AGAP1: variants seen among roughly 807,000 people sequenced by gnomAD.
AGAP1 encodes arf-GAP with GTPase, ANK repeat and PH domain-containing protein 1.
A neutral mutation model predicts 105.3 loss-of-function variants in AGAP1; 29 were observed. The ratio of observed to expected loss-of-function variants is 0.28; its 90% CI spans 0.21 to 0.38. The LOEUF (loss-of-function observed/expected upper bound fraction) is 0.38. Among genes scored for constraint, AGAP1 ranks in the 10% least tolerant of loss-of-function variants. The pLI, the probability that AGAP1 is intolerant of heterozygous loss-of-function variation, is 1.00. For missense variants in AGAP1, 998 were observed against 1,165.1 expected, an observed-to-expected ratio of 0.86 and a Z score of 2.09; for synonymous variants, 509 against 485.9, an observed-to-expected ratio of 1.05 and a Z score of -0.63.
intron 17 of AGAP1, among the ~76,000 whole-genome samples, chr2:236,122,951 G>T (rs1416387464): frequency 4.6e-5 from 7 of 152,134 alleles, no homozygotes; most frequent in African/African-American, 1.4e-4. Context: ...CCAAAGTGCT[G>T]GGATTCCAGG....
At chr2:235,495,395 C>G (rs1240581312) in intron 1 of AGAP1, among the ~76,000 whole-genome samples, 2 of 152,248 alleles carry the variant, frequency 1.3e-5, no homozygotes, top group South Asian at 2.1e-4. Flanking sequence ...GCGGGAGCAT[C>G]GTGTCCAGGT....
intron 11 of AGAP1, among the ~76,000 whole-genome samples, chr2:235,929,531 C>A (rs962752940): frequency 6.6e-5 from 10 of 152,066 alleles, no homozygotes; most frequent in African/African-American, 2.2e-4. Flanking sequence ...GAACTCTATT[C>A]TTCAAAGCCA....
chr2:236,032,961 A>G (rs754216486), intron 13 of AGAP1, among the ~76,000 whole-genome samples: 9 of 152,184 alleles, frequency 5.9e-5, no homozygotes, highest in African/African-American at 1.4e-4. Flanking sequence ...AAAGTGAGTG[A>G]TCGGCCAGGT....
At chr2:235,683,278 C>T (rs1253735872) in intron 1 of AGAP1, among the ~76,000 whole-genome samples, 1 of 152,074 alleles carries the variant, frequency 6.6e-6, no homozygotes, top group East Asian at 1.9e-4. Flanking sequence ...TGCACTCCAG[C>T]CTGGGCAACA....
Position 235,977,620 on chromosome 2 carries a change from C to T in AGAP1, c.1645+8997C>T, listed in dbSNP as rs973743375. Reference sequence around the variant, plus strand: ...CTGGGCTTCAGGAAGTAGAGATGCCCGGGGGTTATATTTTCAGATGTTCTA... The same window carrying T: ...CTGGGCTTCAGGAAGTAGAGATGCCTGGGGGTTATATTTTCAGATGTTCTA... On this transcript the variant is annotated intron_variant, in intron 13 of 17. Transcript: ENST00000304032. The surrounding 1 kb of genome is among the most constrained non-coding windows in gnomAD (Gnocchi z 5.2). Among the ~76,000 whole-genome samples, 9 of 152,018 alleles carry T rather than the reference C, an allele frequency of 5.9e-5. No homozygotes were observed. Among genetic ancestry groups the T allele is most frequent in the African/African-American group, 9.7e-5 (4 of 41,370 alleles).
chr2:235,937,245 G>T (rs959412220), intron 12 of AGAP1, among the ~76,000 whole-genome samples: 1 of 152,196 alleles, frequency 6.6e-6, no homozygotes, highest in South Asian at 2.1e-4. Context: ...CGCCAGGCTG[G>T]CCGGCCTAAT....
At chr2:235,772,533 G>C (rs979525317) in intron 6 of AGAP1, among the ~76,000 whole-genome samples, 3 of 152,162 alleles carry the variant, frequency 2.0e-5, no homozygotes, top group African/African-American at 7.2e-5. Context: ...ATAAACTCTG[G>C]GCTGGACCAC....
chr2:235,846,458 C>G (rs1218482011), intron 9 of AGAP1, among the ~76,000 whole-genome samples: 2 of 151,460 alleles, frequency 1.3e-5, no homozygotes, highest in African/African-American at 4.9e-5. Flanking sequence ...TCCTGAGTAG[C>G]TGGGATTACA....
chr2:236,098,316 A>T (rs1197271637), intron 16 of AGAP1, among the ~76,000 whole-genome samples: 10 of 151,972 alleles, frequency 6.6e-5, no homozygotes, highest in Non-Finnish European at 2.9e-5. Context: ...AGGGGCTCAC[A>T]CCTGTAATCC....
At chr2:235,849,258 G>A (rs182414550) in intron 9 of AGAP1, among the ~76,000 whole-genome samples, 2 of 152,196 alleles carry the variant, frequency 1.3e-5, no homozygotes, top group Non-Finnish European at 2.9e-5. Flanking sequence ...GGTCCAACTC[G>A]TGAAGGATTT....
chr2:236,100,485 G>T (rs541287562), intron 16 of AGAP1, among the ~76,000 whole-genome samples: 1 of 152,276 alleles, frequency 6.6e-6, no homozygotes, highest in African/African-American at 2.4e-5. Context: ...AAAACACCTA[G>T]TGGGTGTATA....
chr2:236,024,519 C>CAG (rs910125331), intron 13 of AGAP1, among the ~76,000 whole-genome samples: 2 of 152,196 alleles, frequency 1.3e-5, no homozygotes, highest in African/African-American at 4.8e-5. Context: ...GCATCCTTGT[C>CAG]AGATGCCTCC....
chr2:236,089,496 C>G lies in AGAP1; in HGVS notation c.2115-30696C>G, dbSNP rs1458774109. 6.6e-6 allele frequency among the ~76,000 whole-genome samples: 1 copy of G among 152,210 alleles called. No individual in the cohort carries two copies. The highest frequency in any genetic ancestry group is 2.4e-5 in the African/African-American group (1 of 41,456). On this transcript the variant is annotated intron_variant, in intron 16 of 17. Coordinates refer to ENST00000304032, the MANE Select transcript of AGAP1 (RefSeq NM_001037131.3). The surrounding 1 kb of genome is among the most constrained non-coding windows in gnomAD (Gnocchi z 5.6). The stretch of plus-strand genomic sequence containing the variant: ...AGTGAGCGTAGCAACTGGGAGGTGG[C>G]CTGATGGCCTGCGCCTGTTGCCGTT...
intron 5 of AGAP1, among the ~76,000 whole-genome samples, chr2:235,746,518 G>A (rs1457258679): frequency 6.7e-6 from 1 of 149,408 alleles, no homozygotes; most frequent in African/African-American, 2.5e-5. Flanking sequence ...ACCCTCTAGT[G>A]TTCACCAGGA....
intron 12 of AGAP1, among the ~76,000 whole-genome samples, chr2:235,933,420 G>T (rs890385566): frequency 1.1e-4 from 16 of 152,274 alleles, no homozygotes; most frequent in Middle Eastern, 3.4e-3. Flanking sequence ...CTGATTTTCA[G>T]ACTTGGGAGC....
At chr2:235,652,630 A>T (rs1947633747) in intron 1 of AGAP1, among the ~76,000 whole-genome samples, 1 of 151,988 alleles carries the variant, frequency 6.6e-6, no homozygotes, top group South Asian at 2.1e-4. Context: ...GGTGGCTCAC[A>T]CCCGTAATCC....
At chr2:235,775,209 G>A (rs1445627490) in intron 6 of AGAP1, among the ~76,000 whole-genome samples, 1 of 152,078 alleles carries the variant, frequency 6.6e-6, no homozygotes. Context: ...AACCAATTTG[G>A]GATTCCTGTC....
chr2:235,506,563 TG>T (rs1468908778), intron 1 of AGAP1, among the ~76,000 whole-genome samples: 10 of 152,112 alleles, frequency 6.6e-5, no homozygotes, highest in Non-Finnish European at 2.9e-5. Context: ...TATTGTCTTT[TG>T]GGGGGTTTTC....
At chr2:236,118,225 C>T (rs1276391054) in intron 16 of AGAP1, among the ~76,000 whole-genome samples, 1 of 151,960 alleles carries the variant, frequency 6.6e-6, no homozygotes, top group Non-Finnish European at 1.5e-5. Context: ...TCGCGGAAGC[C>T]CTGAGTGATT....
Sources: gnomAD v4.1 joint callset for allele counts (sites outside exome capture counted in the v4.1 genomes callset) on GRCh38, gnomAD v4.1.1 for gene constraint, Gnocchi (gnomAD v3.1) non-coding constraint, MANE v1.5 for transcripts, NCBI Gene and HGNC (gene_info 2026-07-23, HGNC 2026-07-21) for gene names.